Variants in RASAL2 observed in about 807,000 individuals in gnomAD.
RASAL2 encodes ras GTPase-activating protein nGAP.
In RASAL2, 58 loss-of-function variants were observed where a neutral mutation model predicts 128.9. That is an observed-to-expected ratio of 0.45 (90% CI 0.36 to 0.56). RASAL2 has a LOEUF of 0.56. Among genes scored for constraint, RASAL2 ranks in the 20% least tolerant of loss-of-function variants. The pLI, the probability that RASAL2 is intolerant of heterozygous loss-of-function variation, is 0.00. For missense variants in RASAL2, 1,360 were observed against 1,601.6 expected (o/e 0.85, Z 2.57); for synonymous variants, 561 against 580.8 (o/e 0.97, Z 0.49).
chr1:178,188,919 C>G (rs1265886370), intron 1 of RASAL2, among the ~76,000 whole-genome samples: 3 of 152,088 alleles, frequency 2.0e-5, no homozygotes. Flanking sequence ...GATGGGACCA[C>G]TGAGTTCACT....
At chr1:178,300,625 G>A (rs996530802) in intron 3 of RASAL2, among the ~76,000 whole-genome samples, 2 of 152,060 alleles carry the variant, frequency 1.3e-5, no homozygotes, top group African/African-American at 4.8e-5. Context: ...GGTGACAAAA[G>A]GGAGAAATCC....
At chr1:178,358,102 G>A (rs182018595) in intron 3 of RASAL2, among the ~76,000 whole-genome samples, 1 of 151,942 alleles carries the variant, frequency 6.6e-6, no homozygotes, top group East Asian at 1.9e-4. Context: ...CAGGCGTGGT[G>A]GCATGTGCCT....
intron 8 of RASAL2, 109 bp from the exon 9 acceptor site, chr1:178,445,409 G>A (rs1387439640): frequency 8.8e-6 from 11 of 1,254,806 alleles, no homozygotes; most frequent in Non-Finnish European, 1.2e-5. Context: ...GAATCTGATA[G>A]CTTTAGTTTT....
intron 6 of RASAL2, among the ~76,000 whole-genome samples, chr1:178,441,266 T>C (rs886155517): frequency 6.6e-6 from 1 of 152,198 alleles, no homozygotes. Flanking sequence ...AAAATTGGAC[T>C]CTTAGTACAT....
At chr1:178,359,633 C>T (rs1018999262) in intron 3 of RASAL2, among the ~76,000 whole-genome samples, 2 of 152,112 alleles carry the variant, frequency 1.3e-5, no homozygotes, top group Non-Finnish European at 2.9e-5. Context: ...TCTCTTCATG[C>T]CAGCTAATTA....
intron 1 of RASAL2, among the ~76,000 whole-genome samples, chr1:178,228,153 C>T (rs1406010440): frequency 6.6e-6 from 1 of 152,102 alleles, no homozygotes; most frequent in African/African-American, 2.4e-5. Flanking sequence ...ACCTTTATTT[C>T]TTTGATTCTT....
chr1:178,399,664 G>A (rs921105404), intron 4 of RASAL2, among the ~76,000 whole-genome samples: 2 of 152,152 alleles, frequency 1.3e-5, no homozygotes, highest in African/African-American at 4.8e-5. Flanking sequence ...CATGGCAAGT[G>A]GAGACAAAAA....
intron 5 of RASAL2, among the ~76,000 whole-genome samples, chr1:178,428,691 G>C (rs142981009): frequency 0.039 from 5,992 of 152,068 alleles, 407 homozygotes; most frequent in African/African-American, 0.14. Context: ...CTGGGCTCAA[G>C]TAATCCTCCT....
intron 1 of RASAL2, among the ~76,000 whole-genome samples, chr1:178,157,203 G>A (rs961832104): frequency 6.6e-6 from 1 of 151,936 alleles, no homozygotes; most frequent in African/African-American, 2.4e-5. Flanking sequence ...TTGCATTTTG[G>A]CACTTCTGCC....
chr1:178,439,225 CATAG>C (rs1360826247), intron 5 of RASAL2, among the ~76,000 whole-genome samples, 193 bp from the exon 6 acceptor site: 2 of 151,926 alleles, frequency 1.3e-5, no homozygotes, highest in Non-Finnish European at 2.9e-5. Context: ...TGTGCACTCA[CATAG>C]ATATATAGAG....
At chr1:178,457,152 T>C (rs1380115647) in intron 13 of RASAL2, among the ~76,000 whole-genome samples, 1 of 152,254 alleles carries the variant, frequency 6.6e-6, no homozygotes, top group Non-Finnish European at 1.5e-5. Context: ...TCTTGCTTAG[T>C]GGAAGACTAA....
At position 178,409,722 on chromosome 1, in the gene RASAL2, G is replaced by A. The variant is rs372706546; in HGVS notation, c.565-10789G>A. On this transcript the variant is annotated intron_variant, in intron 4 of 17. Coordinates refer to ENST00000367649, the MANE Select transcript of RASAL2 (RefSeq NM_170692.4). ...CCTTGACCAGTCATATGGATCCAGG[G>A]CAGAAAGATTGCATGGCACAAAGCA... Among the ~76,000 whole-genome samples the A allele has an allele frequency of 3.3e-5, 5 of 152,286 alleles. No individual in the cohort carries two copies. The East Asian group carries it at 9.6e-4, about 29-fold the overall frequency.
chr1:178,148,460 A>T lies in RASAL2; in HGVS notation c.202+53766A>T, dbSNP rs1402991493. ...TATTTATTTATTTATTTATTTATTT[A>T]TTTTTTGAGATAGGGTCTCACTTTG... On this transcript the variant is annotated intron_variant, in intron 1 of 17. Coordinates refer to ENST00000367649, the MANE Select transcript of RASAL2 (RefSeq NM_170692.4). 4.0e-5 allele frequency among the ~76,000 whole-genome samples: 6 copies of T among 151,632 alleles called. 1 individual carries two copies. In the East Asian group the frequency reaches 7.7e-4, roughly 19 times the overall value.
chr1:178,474,332 C>G lies in RASAL2; in HGVS notation c.*1093C>G. On this transcript the variant is annotated 3_prime_UTR_variant, in exon 18 of 18. Transcript: ENST00000367649. ...TGGGATAAAGACTCTATCCATTGTACTAGCAAATCTATGGGGGGTAATTTT... is the reference window on the plus strand; with the variant it reads ...TGGGATAAAGACTCTATCCATTGTAGTAGCAAATCTATGGGGGGTAATTTT... The G allele has an allele frequency of 6.6e-6, 1 of 152,546 alleles. No individual in the cohort carries two copies. The highest frequency in any genetic ancestry group is 1.9e-4 in the East Asian group (1 of 5,196). The allele number at this position is 152,546 out of a possible 1,614,324, so 9.4% of individuals were successfully genotyped here.
At chr1:178,322,947 A>G (rs1266826859) in intron 3 of RASAL2, among the ~76,000 whole-genome samples, 1 of 152,190 alleles carries the variant, frequency 6.6e-6, no homozygotes, top group Non-Finnish European at 1.5e-5. Context: ...TTCTCAATAC[A>G]CATGGGCTTT....
chr1:178,204,547 G>A (rs1304101810), intron 1 of RASAL2, among the ~76,000 whole-genome samples: 1 of 152,158 alleles, frequency 6.6e-6, no homozygotes, highest in African/African-American at 2.4e-5. Context: ...TTTTAAAAGT[G>A]ATACCCAGAA....
chr1:178,471,429 C>T (rs1648258609), intron 17 of RASAL2, among the ~76,000 whole-genome samples: 1 of 152,234 alleles, frequency 6.6e-6, no homozygotes, highest in Non-Finnish European at 1.5e-5. Context: ...AAAAGCCTTG[C>T]AGCTCTTTCC....
rs1557870200 is a variant in RASAL2 at position 178,273,992 on chromosome 1, GT to G, written c.203-9568del. 1.1e-4 allele frequency among the ~76,000 whole-genome samples: 17 copies of G among 152,288 alleles called. No homozygotes were observed. In the South Asian group the frequency reaches 3.3e-3, roughly 30 times the overall value. ...AGATGCTTATATTATCACCTTGATA[GT>G]TTTCACTGTAAGCTCAGCGATTTGT... On this transcript the variant is annotated intron_variant, in intron 1 of 17. Coordinates refer to ENST00000367649, the MANE Select transcript of RASAL2 (RefSeq NM_170692.4).
At chr1:178,270,532 A>AT (rs1184900377) in intron 1 of RASAL2, among the ~76,000 whole-genome samples, 2 of 146,916 alleles carry the variant, frequency 1.4e-5, no homozygotes, top group Non-Finnish European at 3.0e-5. Context: ...CCTGGATGCC[A>AT]TTTTTTCTTG....
Sources: gnomAD v4.1 joint callset for allele counts (sites outside exome capture counted in the v4.1 genomes callset) on GRCh38, gnomAD v4.1.1 for gene constraint, MANE v1.5 for transcripts, NCBI Gene and HGNC (gene_info 2026-07-23, HGNC 2026-07-21) for gene names.